The following ADK variants were observed in gnomAD, a reference collection of about 807,000 sequenced individuals.
ADK encodes adenosine kinase.
Under a neutral mutation model 44.7 loss-of-function variants are expected in ADK, and 24 were observed. That is an observed-to-expected ratio of 0.54 (90% CI 0.39 to 0.76). The LOEUF is 0.76. Among genes scored for constraint, ADK ranks in the 30% least tolerant of loss-of-function variants. The probability of loss-of-function intolerance (pLI) is 0.00; values close to 1 mark genes in which losing one functional copy is unlikely to be tolerated. For missense variants in ADK, 321 were observed against 425.1 expected (o/e 0.76, Z 2.15); for synonymous variants, 128 against 142.6 (o/e 0.90, Z 0.73).
chr10:74,231,418 G>A (rs559793691), intron 3 of ADK, among the ~76,000 whole-genome samples: 7 of 151,662 alleles, frequency 4.6e-5, no homozygotes, highest in African/African-American at 1.7e-4. Flanking sequence ...TGATATTTTC[G>A]CTGGAAATTT....
intron 9 of ADK, among the ~76,000 whole-genome samples, chr10:74,606,685 G>A (rs528295373): frequency 9.2e-5 from 14 of 152,306 alleles, no homozygotes; most frequent in Admixed American, 8.5e-4. Context: ...TAAGCGTGAT[G>A]TGGTGCTGAG....
chr10:74,332,075 A>G (rs1272999669), intron 4 of ADK, among the ~76,000 whole-genome samples: 1 of 151,704 alleles, frequency 6.6e-6, no homozygotes, highest in Non-Finnish European at 1.5e-5. Flanking sequence ...CCAGGCTGGT[A>G]TTAAACTCCT....
chr10:74,648,567 A>T (rs918585734), intron 9 of ADK, among the ~76,000 whole-genome samples: 1 of 151,782 alleles, frequency 6.6e-6, no homozygotes, highest in African/African-American at 2.4e-5. Flanking sequence ...AGTCCCTGCT[A>T]CTCGGGAGGC....
chr10:74,431,318 G>A lies in ADK; in HGVS notation c.555+32739G>A, dbSNP rs571742847. Among the ~76,000 whole-genome samples the A allele has an allele frequency of 4.6e-5, 7 of 152,294 alleles. No individual in the cohort carries two copies. In the South Asian group the frequency reaches 1.4e-3, roughly 32 times the overall value. On this transcript the variant is annotated intron_variant, in intron 6 of 10. Transcript: ENST00000539909. The stretch of plus-strand genomic sequence containing the variant: ...GCCTTATTTATTTATAGTAGGAAAT[G>A]TAGTTATCACATCGGCCCAAATGTT...
At chr10:74,525,950 C>T (rs1302131889) in intron 7 of ADK, among the ~76,000 whole-genome samples, 1 of 152,042 alleles carries the variant, frequency 6.6e-6, no homozygotes, top group Non-Finnish European at 1.5e-5. Context: ...CCACTGTGCC[C>T]GGCCCAACAT....
chr10:74,224,467 TGAA>T, intron 2 of ADK, 68 bp from the exon 3 acceptor site: 2 of 1,230,720 alleles, frequency 1.6e-6, no homozygotes, highest in South Asian at 2.5e-5. Context: ...GTGCTTGTTT[TGAA>T]GAGGTCAGCT....
At chr10:74,577,759 G>A (rs1330230134) in intron 7 of ADK, among the ~76,000 whole-genome samples, 2 of 152,012 alleles carry the variant, frequency 1.3e-5, no homozygotes, top group African/African-American at 4.8e-5. Context: ...AAAATCAAAA[G>A]TGCCAAAGAG....
intron 7 of ADK, among the ~76,000 whole-genome samples, chr10:74,538,854 G>T (rs761958614): frequency 6.6e-6 from 1 of 151,842 alleles, no homozygotes; most frequent in South Asian, 2.1e-4. Context: ...TCTTTAAATT[G>T]TAAATAACTT....
chr10:74,423,261 G>A (rs571362076), intron 6 of ADK, among the ~76,000 whole-genome samples: 1 of 152,292 alleles, frequency 6.6e-6, no homozygotes, highest in South Asian at 2.1e-4. Context: ...AAAGATGCAG[G>A]TGGAATAACT....
chr10:74,423,877 G>T (rs1844675076), intron 6 of ADK: 1 of 244,078 alleles, frequency 4.1e-6, no homozygotes, highest in Non-Finnish European at 8.5e-6. Flanking sequence ...AAGGAAGGCT[G>T]CTCTGATTAT....
At chr10:74,572,567 A>C (rs1851009114) in intron 7 of ADK, among the ~76,000 whole-genome samples, 1 of 152,050 alleles carries the variant, frequency 6.6e-6, no homozygotes, top group South Asian at 2.1e-4. Flanking sequence ...TAGATTGGGG[A>C]AGTTCTCCTG....
chr10:74,330,670 G>A (rs541140927), intron 4 of ADK, among the ~76,000 whole-genome samples: 15 of 152,230 alleles, frequency 9.9e-5, no homozygotes, highest in African/African-American at 2.2e-4. Flanking sequence ...TTGAGGATAC[G>A]CAGTCAGCCT....
Position 74,525,462 on chromosome 10 carries a change from G to A in ADK, c.726+36G>A, listed in dbSNP as rs45452695. ...TTTCCTTTTTCAAAAGAACCTGGGGGTTTTTTGTTTGTTTATTTCTGATGT... is the reference window on the plus strand; with the variant it reads ...TTTCCTTTTTCAAAAGAACCTGGGGATTTTTTGTTTGTTTATTTCTGATGT... On this transcript the variant is annotated intron_variant, in intron 7 of 10. Coordinates refer to ENST00000539909, the MANE Select transcript of ADK (RefSeq NM_006721.4). 2,523 of 1,558,350 alleles carry A rather than the reference G, an allele frequency of 1.6e-3. 19 individuals carry two copies. The African/African-American group carries it at 0.018, about 11-fold the overall frequency.
chr10:74,332,153 C>T (rs1293903209), intron 4 of ADK, among the ~76,000 whole-genome samples: 2 of 152,146 alleles, frequency 1.3e-5, no homozygotes, highest in Non-Finnish European at 2.9e-5. Flanking sequence ...CCACTGTGCC[C>T]AGACAAATTT....
At chr10:74,480,025 A>T (rs1453613109) in intron 6 of ADK, among the ~76,000 whole-genome samples, 1 of 151,988 alleles carries the variant, frequency 6.6e-6, no homozygotes, top group East Asian at 1.9e-4. Context: ...CTTCTAATAC[A>T]TTTCTCAGGA....
chr10:74,587,412 A>G (rs994706754), intron 7 of ADK, among the ~76,000 whole-genome samples: 3 of 152,216 alleles, frequency 2.0e-5, no homozygotes, highest in Non-Finnish European at 2.9e-5. Context: ...TTTCAACTTA[A>G]CACTTCCTGT....
intron 6 of ADK, among the ~76,000 whole-genome samples, chr10:74,451,978 A>G: frequency 6.6e-6 from 1 of 151,570 alleles, no homozygotes. Context: ...TTCAATTTTC[A>G]CTTGCCTGTT....
intron 6 of ADK, among the ~76,000 whole-genome samples, chr10:74,436,715 C>G (rs1198367040): frequency 6.6e-6 from 1 of 151,946 alleles, no homozygotes; most frequent in Non-Finnish European, 1.5e-5. Flanking sequence ...TGAAAAGTGG[C>G]CAAAAGACCA....
intron 7 of ADK, among the ~76,000 whole-genome samples, chr10:74,587,615 T>C (rs1851573494): frequency 1.3e-5 from 2 of 152,226 alleles, no homozygotes; most frequent in African/African-American, 4.8e-5. Flanking sequence ...ACAGTCGTTT[T>C]AGTTGAGTTG....
Sources: allele counts gnomAD v4.1 joint callset (sites outside exome capture counted in the v4.1 genomes callset), GRCh38; gene constraint gnomAD v4.1.1; transcripts MANE v1.5; gene names NCBI Gene and HGNC (gene_info 2026-07-23, HGNC 2026-07-21).